RBMS3: variants seen among roughly 807,000 people sequenced by gnomAD.
RBMS3 encodes the protein RNA binding motif single stranded interacting protein 3, also known as RNA-binding motif, single-stranded-interacting protein 3.
Under a neutral mutation model 66.8 loss-of-function variants are expected in RBMS3, and 27 were observed. The ratio of observed to expected loss-of-function variants is 0.40; its 90% CI spans 0.30 to 0.56. The LOEUF is 0.56. Among genes scored for constraint, RBMS3 ranks in the 20% least tolerant of loss-of-function variants. RBMS3 has a pLI of 0.40. For synonymous variants in RBMS3, 188 were observed against 183.0 expected (o/e 1.03, Z -0.22); for missense variants, 513 against 549.5 (o/e 0.93, Z 0.66).
In RBMS3 at chr3:29,672,249, C is replaced by G. The variant is rs562265114; in HGVS notation, c.400-67471C>G. Among the ~76,000 whole-genome samples, 5 of 152,260 alleles carry G rather than the reference C, an allele frequency of 3.3e-5. No individual in the cohort carries two copies. In the East Asian group the frequency reaches 5.8e-4, roughly 18 times the overall value. On this transcript the variant is annotated intron_variant, in intron 4 of 14. Transcript: ENST00000383767. ...ACAAGCAAATGCTGAGAGATTTTAT[C>G]ACCACCAGGCCTGCCTTACAAGAGC...
intron 3 of RBMS3, among the ~76,000 whole-genome samples, chr3:29,568,843 T>C (rs540709641): frequency 7.2e-5 from 11 of 152,278 alleles, no homozygotes; most frequent in Admixed American, 3.3e-4. Flanking sequence ...GAAGATCCAA[T>C]AGAGGTTCAA....
intron 3 of RBMS3, among the ~76,000 whole-genome samples, chr3:29,505,717 A>G (rs954420550): frequency 1.5e-4 from 22 of 151,576 alleles, no homozygotes; most frequent in Non-Finnish European, 3.1e-4. Flanking sequence ...AACGTGAGAC[A>G]TGTTTCCATT....
At chr3:29,661,281 T>G (rs1193679477) in intron 4 of RBMS3, among the ~76,000 whole-genome samples, 8 of 152,208 alleles carry the variant, frequency 5.3e-5, no homozygotes. Context: ...TTCTTCATAT[T>G]CCACCTTCCC....
At chr3:29,447,629 C>A (rs1205625044) in intron 2 of RBMS3, among the ~76,000 whole-genome samples, 1 of 152,128 alleles carries the variant, frequency 6.6e-6, no homozygotes, top group African/African-American at 2.4e-5. Context: ...TTAAATGAAG[C>A]CTGGCATGGA....
intron 14 of RBMS3, among the ~76,000 whole-genome samples, chr3:29,993,428 A>T (rs954709118): frequency 2.0e-5 from 3 of 152,160 alleles, no homozygotes; most frequent in African/African-American, 7.2e-5. Context: ...GGGAAATTTT[A>T]TGTGACCATT....
intron 14 of RBMS3, among the ~76,000 whole-genome samples, chr3:30,001,777 TTTTA>T (rs1320182195): frequency 4.0e-5 from 6 of 151,410 alleles, no homozygotes; most frequent in South Asian, 2.1e-4. Flanking sequence ...TTTCTTTTTA[TTTTA>T]TTTCTTATTT....
chr3:29,555,296 A>G (rs2046317697), intron 3 of RBMS3, among the ~76,000 whole-genome samples: 1 of 152,198 alleles, frequency 6.6e-6, no homozygotes, highest in African/African-American at 2.4e-5. Flanking sequence ...ATAGAACACT[A>G]AAGTCCTTCA....
chr3:29,718,644 C>T (rs1417251002), intron 4 of RBMS3, among the ~76,000 whole-genome samples: 1 of 152,040 alleles, frequency 6.6e-6, no homozygotes, highest in African/African-American at 2.4e-5. Flanking sequence ...TGCATGTGTG[C>T]ACAGCTGAGC....
intron 4 of RBMS3, among the ~76,000 whole-genome samples, chr3:29,674,786 C>T (rs2051167427): frequency 6.7e-6 from 1 of 148,572 alleles, no homozygotes; most frequent in Non-Finnish European, 1.5e-5. Flanking sequence ...ATTCCATGCT[C>T]ATGGATAGGA....
At chr3:29,381,281 C>G (rs575245090) in intron 1 of RBMS3, among the ~76,000 whole-genome samples, 4 of 152,262 alleles carry the variant, frequency 2.6e-5, no homozygotes, top group African/African-American at 7.2e-5. Context: ...GTAAGAGAAG[C>G]AAGGAAGTGT....
chr3:29,639,874 C>T (rs1036441394), intron 4 of RBMS3, among the ~76,000 whole-genome samples: 8 of 151,600 alleles, frequency 5.3e-5, no homozygotes, highest in Non-Finnish European at 1.2e-4. Context: ...GATTAAAGTT[C>T]CAGGAGAAAA....
chr3:29,616,409 C>G (rs916879016), intron 4 of RBMS3: 1 of 151,456 alleles, frequency 6.6e-6, no homozygotes, highest in Admixed American at 6.6e-5. Context: ...TCGCTTGAAC[C>G]GGGGAGGCGG....
chr3:29,582,231 C>T (rs921043471), intron 3 of RBMS3, among the ~76,000 whole-genome samples: 1 of 152,108 alleles, frequency 6.6e-6, no homozygotes, highest in Non-Finnish European at 1.5e-5. Context: ...TCTCTACAGT[C>T]ACCAGGCTTG....
chr3:29,826,826 T>C (rs1393784526), intron 6 of RBMS3, among the ~76,000 whole-genome samples: 2 of 152,166 alleles, frequency 1.3e-5, no homozygotes, highest in African/African-American at 4.8e-5. Context: ...TTTTCTAAAA[T>C]TTATTTTTCT....
chr3:29,458,314 C>G (rs913762466), intron 2 of RBMS3, among the ~76,000 whole-genome samples: 6 of 152,072 alleles, frequency 3.9e-5, no homozygotes, highest in Non-Finnish European at 5.9e-5. Flanking sequence ...CAGTATTTAT[C>G]TGTATATTAT....
chr3:29,996,490 T>C (rs1467147109), intron 14 of RBMS3, among the ~76,000 whole-genome samples: 1 of 149,880 alleles, frequency 6.7e-6, no homozygotes, highest in Non-Finnish European at 1.5e-5. Context: ...ACACCACACC[T>C]ATTCCAAAAT....
chr3:29,679,213 A>T (rs2051384246), intron 4 of RBMS3, among the ~76,000 whole-genome samples: 1 of 152,064 alleles, frequency 6.6e-6, no homozygotes, highest in African/African-American at 2.4e-5. Context: ...AAAACCACTG[A>T]TATTGATTAC....
intron 3 of RBMS3, among the ~76,000 whole-genome samples, chr3:29,505,961 C>T (rs2044167391): frequency 6.6e-6 from 1 of 151,394 alleles, no homozygotes; most frequent in Non-Finnish European, 1.5e-5. Context: ...TTATTAGTTC[C>T]AATAGTTTTT....
At chr3:30,001,492 T>C (rs1699608034) in intron 14 of RBMS3, among the ~76,000 whole-genome samples, 2 of 152,034 alleles carry the variant, frequency 1.3e-5, no homozygotes, top group Admixed American at 6.6e-5. Flanking sequence ...CCATATTTAC[T>C]CTGACTTTAG....
Sources: allele counts gnomAD v4.1 joint callset (sites outside exome capture counted in the v4.1 genomes callset), GRCh38; gene constraint gnomAD v4.1.1; transcripts MANE v1.5; gene names NCBI Gene and HGNC (gene_info 2026-07-23, HGNC 2026-07-21).